Variants in WWOX observed in about 807,000 individuals in gnomAD.
WWOX encodes the protein WW domain-containing oxidoreductase.
A neutral mutation model predicts 46.2 loss-of-function variants in WWOX; 69 were observed. That is an observed-to-expected ratio of 1.49 (90% CI 1.23 to 1.82). The LOEUF (loss-of-function observed/expected upper bound fraction) is 1.82, where lower values mean the gene tolerates loss of function less well. Ranked by LOEUF, WWOX falls within the 40% of genes most tolerant of loss-of-function variation. The pLI, the probability that WWOX is intolerant of heterozygous loss-of-function variation, is 0.00. For missense variants in WWOX, 919 were observed against 542.6 expected (o/e 1.69, Z -6.89); for synonymous variants, 359 against 202.6 (o/e 1.77, Z -6.56).
intron 8 of WWOX, among the ~76,000 whole-genome samples, chr16:78,759,295 G>T (rs2049733031): frequency 3.3e-5 from 5 of 152,182 alleles, no homozygotes; most frequent in Admixed American, 3.3e-4. Flanking sequence ...TGCCATGCTT[G>T]GTGAGAAATG....
intron 8 of WWOX, among the ~76,000 whole-genome samples, chr16:79,202,404 C>T (rs753819079): frequency 9.9e-5 from 15 of 152,090 alleles, no homozygotes; most frequent in African/African-American, 2.4e-4. Flanking sequence ...AATTACATTC[C>T]GTCGAGATTC....
At chr16:78,777,763 T>G (rs1252601483) in intron 8 of WWOX, among the ~76,000 whole-genome samples, 1 of 152,138 alleles carries the variant, frequency 6.6e-6, no homozygotes, top group Non-Finnish European at 1.5e-5. Context: ...AACTCACATT[T>G]CGACTGGGCC....
chr16:78,834,275 T>C (rs547160094), intron 8 of WWOX, among the ~76,000 whole-genome samples: 2 of 152,294 alleles, frequency 1.3e-5, no homozygotes, highest in East Asian at 3.9e-4. Flanking sequence ...TCTGGGACCA[T>C]GTCCCCATTG....
At chr16:79,050,104 C>T (rs980472051) in intron 8 of WWOX, among the ~76,000 whole-genome samples, 1 of 152,152 alleles carries the variant, frequency 6.6e-6, no homozygotes, top group Non-Finnish European at 1.5e-5. Flanking sequence ...GTTGCTGCTG[C>T]TGCGTAACCG....
At chr16:78,440,107 A>C (rs531799246) in intron 8 of WWOX, among the ~76,000 whole-genome samples, 1 of 152,096 alleles carries the variant, frequency 6.6e-6, no homozygotes. Context: ...TCTGATTTTG[A>C]GGAAAAAGGA....
chr16:78,672,579 G>T (rs866070193), intron 8 of WWOX, among the ~76,000 whole-genome samples: 1 of 152,200 alleles, frequency 6.6e-6, no homozygotes, highest in Non-Finnish European at 1.5e-5. Context: ...TCCAAACTGT[G>T]CCTAAATTGC....
intron 5 of WWOX, among the ~76,000 whole-genome samples, chr16:78,342,923 C>T (rs2081040370): frequency 8.3e-6 from 1 of 120,446 alleles, no homozygotes; most frequent in Non-Finnish European, 2.0e-5. Flanking sequence ...ACTGAAGCAT[C>T]TTCTTGGAGA....
At chr16:79,008,104 A>G (rs28445852) in intron 8 of WWOX, among the ~76,000 whole-genome samples, 18,488 of 152,160 alleles carry the variant, frequency 0.12, 2,980 homozygotes, top group African/African-American at 0.37. Context: ...GCCCTTGGTT[A>G]TTAACAGAAT....
At chr16:78,134,770 G>A (rs570902708) in intron 4 of WWOX, among the ~76,000 whole-genome samples, 101 of 152,298 alleles carry the variant, frequency 6.6e-4, no homozygotes, top group Non-Finnish European at 1.2e-3. Flanking sequence ...TTGTTGTTAA[G>A]AGTATAACGT....
intron 8 of WWOX, among the ~76,000 whole-genome samples, chr16:78,616,217 T>TG (rs755429156): frequency 2.0e-4 from 28 of 143,482 alleles, no homozygotes; most frequent in Non-Finnish European, 3.5e-4. Flanking sequence ...CACACTTTTG[T>TG]GGTTTTTTTT....
chr16:79,005,413 C>T (rs1234153141), intron 8 of WWOX, among the ~76,000 whole-genome samples: 1 of 152,148 alleles, frequency 6.6e-6, no homozygotes, highest in East Asian at 1.9e-4. Flanking sequence ...TTAGGCGTGC[C>T]ACGTACTAGG....
chr16:78,886,940 T>G (rs983418214), intron 8 of WWOX, among the ~76,000 whole-genome samples: 1 of 152,116 alleles, frequency 6.6e-6, no homozygotes, highest in African/African-American at 2.4e-5. Context: ...CCTATGAAAG[T>G]GAATATAAAA....
At chr16:78,884,273 CAA>C (rs71384384) in intron 8 of WWOX, among the ~76,000 whole-genome samples, 27 of 46,592 alleles carry the variant, frequency 5.8e-4, no homozygotes, top group African/African-American at 1.7e-3. Flanking sequence ...ACCCTGTCTC[CAA>C]AAAAAAAAAA....
At position 79,212,213 on chromosome 16, in the gene WWOX, A is replaced by AAGCAAGTGTT; in HGVS notation, c.*418_*427dup. ...GGCCTTCTCCTACTTAGGGAAGAAAAAGCAAGTGTTCACTGCTCCTTGCTG... is the reference window on the plus strand; with the variant it reads ...GGCCTTCTCCTACTTAGGGAAGAAAAAGCAAGTGTTAGCAAGTGTTCACTGCTCCTTGCTG... On this transcript the variant is annotated 3_prime_UTR_variant, in exon 9 of 9. Coordinates refer to ENST00000566780, the MANE Select transcript of WWOX (RefSeq NM_016373.4). 1 of 1,438,074 alleles carries AAGCAAGTGTT rather than the reference A, an allele frequency of 7.0e-7. No homozygotes were observed. Among genetic ancestry groups the AAGCAAGTGTT allele is most frequent in the Non-Finnish European group, 9.1e-7 (1 of 1,098,666 alleles). The allele number at this position is 1,438,074 out of a possible 1,614,324, so 89.1% of individuals were successfully genotyped here. A position where few individuals can be genotyped will look rare whatever the true frequency, so the allele number is the denominator to read the frequency against.
chr16:79,033,562 C>G (rs2047807709), intron 8 of WWOX, among the ~76,000 whole-genome samples: 1 of 152,102 alleles, frequency 6.6e-6, no homozygotes, highest in Non-Finnish European at 1.5e-5. Flanking sequence ...CGTAGCCACC[C>G]CTTTATCAAC....
chr16:78,653,933 C>G (rs140231542), intron 8 of WWOX, among the ~76,000 whole-genome samples: 19 of 152,326 alleles, frequency 1.2e-4, no homozygotes, highest in African/African-American at 4.6e-4. Flanking sequence ...GAGCAAACGT[C>G]TTCACATTTC....
intron 8 of WWOX, among the ~76,000 whole-genome samples, chr16:78,533,171 G>A (rs952563441): frequency 1.3e-5 from 2 of 152,084 alleles, no homozygotes; most frequent in Non-Finnish European, 2.9e-5. Flanking sequence ...AGCTCCTGAG[G>A]CTATCTTTAC....
chr16:78,400,851 G>A (rs111746411), intron 6 of WWOX, among the ~76,000 whole-genome samples: 4 of 152,200 alleles, frequency 2.6e-5, no homozygotes, highest in Admixed American at 1.3e-4. Context: ...CTGAGATAGG[G>A]CTGGCTCTGT....
At chr16:78,553,602 T>C (rs777548484) in intron 8 of WWOX, among the ~76,000 whole-genome samples, 8 of 152,252 alleles carry the variant, frequency 5.3e-5, no homozygotes, top group Non-Finnish European at 8.8e-5. Flanking sequence ...GAGCAGGTTT[T>C]AGGCAATAAT....
Sources: allele counts gnomAD v4.1 joint callset (sites outside exome capture counted in the v4.1 genomes callset), GRCh38; gene constraint gnomAD v4.1.1; transcripts MANE v1.5; gene names NCBI Gene and HGNC (gene_info 2026-07-23, HGNC 2026-07-21).